The following COX11 variants were observed in gnomAD, a reference collection of about 807,000 sequenced individuals.
The protein encoded by COX11 is cytochrome c oxidase assembly protein COX11, mitochondrial.
COX11 carries 18 observed loss-of-function variants against 29.4 expected under a neutral mutation model. The observed-to-expected ratio is 0.61, with a 90% CI of 0.42 to 0.91. The LOEUF (loss-of-function observed/expected upper bound fraction) is 0.91, where lower values mean the gene tolerates loss of function less well. COX11 is among the 40% of genes least tolerant of loss of function. The pLI, the probability that COX11 is intolerant of heterozygous loss-of-function variation, is 0.00. For missense variants in COX11, 312 were observed against 346.0 expected, an observed-to-expected ratio of 0.90 and a Z score of 0.78; for synonymous variants, 131 against 124.0, an observed-to-expected ratio of 1.06 and a Z score of -0.38.
In COX11 at chr17:54,961,143, T is replaced by C. The variant is rs2077112712; in HGVS notation, c.*1590A>G. The C allele has an allele frequency of 4.4e-6, 4 of 911,328 alleles. No individual in the cohort carries two copies. The Admixed American group carries it at 8.5e-5, about 19-fold the overall frequency. The allele number at this position is 911,328 out of a possible 1,614,324, so 56.5% of individuals were successfully genotyped here. On this transcript the variant is annotated 3_prime_UTR_variant, in exon 4 of 4. Coordinates refer to ENST00000299335, the MANE Select transcript of COX11 (RefSeq NM_004375.5). The stretch of plus-strand genomic sequence containing the variant: ...CCTTTCTTCTACTAGACTGTGACTC[T>C]CCAGCTTCCCAGTAAAGACAAGAGA...
At chr17:54,955,942 C>A (rs1312967305), downstream of COX11, among the ~76,000 whole-genome samples, 3 of 152,168 alleles carry the variant, frequency 2.0e-5, no homozygotes, top group Admixed American at 1.3e-4. Context: ...GGTCCCAAGG[C>A]CCTTCTCTAG....
chr17:54,958,730 CAAA>C (rs61603848), downstream of COX11, among the ~76,000 whole-genome samples: 2 of 57,478 alleles, frequency 3.5e-5, no homozygotes, highest in Non-Finnish European at 9.5e-5. Flanking sequence ...AACTCCATCT[CAAA>C]AAAAAAAAAA....
At position 54,968,208 on chromosome 17, in the gene COX11, G is replaced by A; in HGVS notation, c.366+73C>T. The A allele has an allele frequency of 4.5e-6, 7 of 1,552,652 alleles. No individual in the cohort carries two copies. In the South Asian group the frequency reaches 8.5e-5, roughly 19 times the overall value. On this transcript the variant is annotated intron_variant, in intron 1 of 3. Transcript: ENST00000299335. ...TCCACCTACGACCCGCAGAGCGAGG[G>A]CTTGTCCCGGGATTTGTCTTGCACC...
downstream of COX11, chr17:54,958,259 A>G (rs560460314): frequency 6.6e-6 from 1 of 152,364 alleles, no homozygotes; most frequent in East Asian, 1.9e-4. Flanking sequence ...GACAAGTAAG[A>G]TAAGAACTGA....
At chr17:54,967,996 C>CTTTT (rs66732337) in intron 1 of COX11, among the ~76,000 whole-genome samples, 44,587 of 124,128 alleles carry the variant, frequency 0.36, 9,343 homozygotes, top group East Asian at 0.6. Context: ...GGCTGCGGAC[C>CTTTT]TTTTTTTTTT....
At chr17:54,965,688 G>C (rs775664582) in intron 1 of COX11, among the ~76,000 whole-genome samples, 9 of 152,046 alleles carry the variant, frequency 5.9e-5, no homozygotes, top group Non-Finnish European at 1.3e-4. Context: ...AATTAGCCGG[G>C]TGTGGTGACA....
intron 3 of COX11, 40 bp from the exon 4 acceptor site, chr17:54,962,955 C>T: frequency 2.6e-6 from 4 of 1,532,838 alleles, no homozygotes; most frequent in Non-Finnish European, 3.6e-6. Context: ...TTTCTATTCT[C>T]GTATTACATA....
intron 1 of COX11, among the ~76,000 whole-genome samples, chr17:54,966,497 G>C (rs145636261): frequency 1.3e-5 from 2 of 152,206 alleles, no homozygotes; most frequent in East Asian, 3.9e-4. Flanking sequence ...TTGTTGTTTG[G>C]GGGTGAGGCA....
At chr17:54,952,865 G>A (rs12936860) in exon 1 of COX11, 31,752 of 152,160 alleles carry the variant, frequency 0.21, 3,881 homozygotes, top group Non-Finnish European at 0.27. Context: ...GAGAAATTGT[G>A]GCTCCAAACT....
chr17:54,967,793 G>A (rs748383204), intron 1 of COX11, among the ~76,000 whole-genome samples: 3 of 152,094 alleles, frequency 2.0e-5, no homozygotes, highest in Non-Finnish European at 2.9e-5. Context: ...AGCCTCAAAG[G>A]CCTAATTCAT....
At chr17:54,965,061 A>G (rs1362378504) in intron 1 of COX11, among the ~76,000 whole-genome samples, 3 of 152,212 alleles carry the variant, frequency 2.0e-5, no homozygotes, top group Non-Finnish European at 4.4e-5. Flanking sequence ...CCTATTTTTC[A>G]GCAATCCCTT....
chr17:54,958,573 A>G (rs1211302066), downstream of COX11: 1 of 152,276 alleles, frequency 6.6e-6, no homozygotes, highest in Non-Finnish European at 1.5e-5. Flanking sequence ...TCTACTAAAA[A>G]TACAAAAATT....
exon 1 of COX11, chr17:54,954,672 T>C (rs1428960601): frequency 6.6e-6 from 1 of 152,112 alleles, no homozygotes; most frequent in Non-Finnish European, 1.5e-5. Context: ...TTGGAGGGGG[T>C]AGTAAAGGGA....
At chr17:54,952,373 C>A (rs2143984381) in exon 1 of COX11, 1 of 151,852 alleles carries the variant, frequency 6.6e-6, no homozygotes, top group Middle Eastern at 3.4e-3. Context: ...ATGGTGAAAC[C>A]CCGTCTCTAC....
chr17:54,965,557 CTT>C (rs1466508766), intron 1 of COX11, among the ~76,000 whole-genome samples: 1 of 152,218 alleles, frequency 6.6e-6, no homozygotes, highest in South Asian at 2.1e-4. Flanking sequence ...CTTGACATCA[CTT>C]TTAAAAAAAG....
intron 1 of COX11, among the ~76,000 whole-genome samples, chr17:54,967,665 C>T (rs1032175264): frequency 2.2e-5 from 3 of 136,400 alleles, no homozygotes; most frequent in Non-Finnish European, 4.6e-5. Context: ...TAACAGGTTC[C>T]CGGGTGATGC....
At chr17:54,955,565 G>A (rs1415409066), downstream of COX11, among the ~76,000 whole-genome samples, 49 of 152,112 alleles carry the variant, frequency 3.2e-4, no homozygotes, top group Admixed American at 3.2e-3. Flanking sequence ...TATTCATTCA[G>A]GCCACAGACA....
At chr17:54,953,888 T>TC (rs1461974910) in exon 1 of COX11, 1 of 152,204 alleles carries the variant, frequency 6.6e-6, no homozygotes, top group Non-Finnish European at 1.5e-5. Context: ...TTTTGGGTCA[T>TC]CTGGGTCCCA....
chr17:54,955,877 T>C (rs1326782732), downstream of COX11, among the ~76,000 whole-genome samples: 1 of 152,154 alleles, frequency 6.6e-6, no homozygotes, highest in Non-Finnish European at 1.5e-5. Context: ...GCTTCTACTC[T>C]CCCAGAGAGG....
Sources: allele counts gnomAD v4.1 joint callset (sites outside exome capture counted in the v4.1 genomes callset), GRCh38; gene constraint gnomAD v4.1.1; transcripts MANE v1.5; gene names NCBI Gene and HGNC (gene_info 2026-07-23, HGNC 2026-07-21).